The following SPATA3 variants were observed in gnomAD, a reference collection of about 807,000 sequenced individuals.
The protein encoded by SPATA3 is spermatogenesis associated 3.
SPATA3 carries 6 observed loss-of-function variants against 5.7 expected under a neutral mutation model. That is an observed-to-expected ratio of 1.06 (90% CI 0.58 to 2.09). The LOEUF (loss-of-function observed/expected upper bound fraction) is 2.09, where lower values mean the gene tolerates loss of function less well. Among genes scored for constraint, SPATA3 ranks in the 30% most tolerant of loss-of-function variants. The pLI is 0.00. For synonymous variants in SPATA3, 44 were observed against 48.4 expected (o/e 0.91, Z 0.37); for missense variants, 155 against 130.4 (o/e 1.19, Z -0.92).
chr2:231,004,793 G>T (rs1351597584), downstream of SPATA3, among the ~76,000 whole-genome samples: 2 of 152,102 alleles, frequency 1.3e-5, no homozygotes, highest in Middle Eastern at 3.4e-3. Context: ...TTTTCTTTTC[G>T]TTAAATGGAG....
At chr2:231,012,968 A>G (rs564657598) in intron 5 of SPATA3, among the ~76,000 whole-genome samples, 1 of 152,192 alleles carries the variant, frequency 6.6e-6, no homozygotes, top group African/African-American at 2.4e-5. Context: ...CCTCCTGCGC[A>G]CTTGGACTTG....
intron 1 of SPATA3, among the ~76,000 whole-genome samples, chr2:230,999,208 A>T (rs1692251926): frequency 6.6e-6 from 1 of 152,170 alleles, no homozygotes; most frequent in Non-Finnish European, 1.5e-5. Flanking sequence ...AGAATAGGCA[A>T]ATGTATTGCC....
downstream of SPATA3, among the ~76,000 whole-genome samples, chr2:231,009,450 G>A (rs938933677): frequency 5.9e-5 from 9 of 152,274 alleles, no homozygotes; most frequent in Middle Eastern, 6.8e-3. Context: ...TCACAGTGAC[G>A]GGGGGATGCT....
chr2:231,005,904 C>T (rs568158010), downstream of SPATA3, among the ~76,000 whole-genome samples: 4 of 150,646 alleles, frequency 2.7e-5, no homozygotes, highest in African/African-American at 7.3e-5. Flanking sequence ...TGGCTCAAAC[C>T]TGTAATCCTA....
chr2:231,011,117 T>C (rs1692776908), downstream of SPATA3, among the ~76,000 whole-genome samples: 1 of 141,890 alleles, frequency 7.0e-6, no homozygotes, highest in East Asian at 2.1e-4. Context: ...CATCAATCAA[T>C]TGGTTATTAT....
At chr2:231,006,013 A>AG (rs1692610825), downstream of SPATA3, among the ~76,000 whole-genome samples, 4 of 151,276 alleles carry the variant, frequency 2.6e-5, no homozygotes, top group African/African-American at 7.3e-5. Context: ...AAAAAAAAAA[A>AG]AAGAGAAAGA....
At chr2:231,019,264 A>C (rs140728998) in intron 6 of SPATA3, among the ~76,000 whole-genome samples, 3,575 of 137,436 alleles carry the variant, frequency 0.026, 145 homozygotes, top group East Asian at 0.23. Flanking sequence ...CCACCGTGCC[A>C]GGCCTCGATT....
At chr2:231,018,496 T>C (rs572651552) in intron 6 of SPATA3, among the ~76,000 whole-genome samples, 10 of 152,046 alleles carry the variant, frequency 6.6e-5, no homozygotes, top group African/African-American at 2.4e-4. Flanking sequence ...AGTCTCATAG[T>C]TTGTGTGGTC....
chr2:231,009,454 G>C (rs979050602), downstream of SPATA3, among the ~76,000 whole-genome samples: 1 of 152,180 alleles, frequency 6.6e-6, no homozygotes, highest in Non-Finnish European at 1.5e-5. Context: ...AGTGACGGGG[G>C]GATGCTGTGG....
downstream of SPATA3, among the ~76,000 whole-genome samples, chr2:231,009,380 C>G (rs1458255180): frequency 6.6e-6 from 1 of 152,202 alleles, no homozygotes; most frequent in Admixed American, 6.5e-5. Flanking sequence ...TTGGATCCCC[C>G]GGGCAGTGGT....
intron 1 of SPATA3, chr2:230,996,431 G>A: frequency 6.4e-7 from 1 of 1,552,318 alleles, no homozygotes; most frequent in Non-Finnish European, 8.7e-7. Context: ...CCTCCCGGCA[G>A]CCAGCATTCC....
chr2:231,003,961 A>T (rs978927523), downstream of SPATA3: 5 of 152,180 alleles, frequency 3.3e-5, no homozygotes, highest in African/African-American at 1.2e-4. Context: ...TGCCATGTCC[A>T]CACTTAGCAA....
intron 6 of SPATA3, among the ~76,000 whole-genome samples, chr2:231,016,808 T>C (rs1389879397): frequency 1.3e-5 from 2 of 152,166 alleles, no homozygotes; most frequent in East Asian, 3.9e-4. Flanking sequence ...GGGTGCCCTC[T>C]CCTCTCTCCT....
At chr2:231,006,174 G>GCAACA (rs1400184559), downstream of SPATA3, among the ~76,000 whole-genome samples, 7 of 127,658 alleles carry the variant, frequency 5.5e-5, no homozygotes, top group African/African-American at 1.2e-4. Context: ...CAGCCTGGGT[G>GCAACA]ACAGAACTCA....
At chr2:231,007,607 G>A (rs190089917), downstream of SPATA3, among the ~76,000 whole-genome samples, 8 of 152,342 alleles carry the variant, frequency 5.3e-5, no homozygotes, top group East Asian at 1.2e-3. Context: ...GTGCCGGTTC[G>A]CCTCCAGGCC....
intron 6 of SPATA3, among the ~76,000 whole-genome samples, chr2:231,015,422 A>C: frequency 6.6e-6 from 1 of 151,960 alleles, no homozygotes; most frequent in African/African-American, 2.4e-5. Context: ...GAATTAGGGG[A>C]GGTGTGGGTG....
chr2:231,002,810 A>C, downstream of SPATA3: 1 of 1,420,054 alleles, frequency 7.0e-7, no homozygotes, highest in Non-Finnish European at 9.3e-7. Context: ...ACAAGCCCCT[A>C]GGCCCACAGT....
In SPATA3 at chr2:231,000,554, G is replaced by T. The variant is rs2271375; in HGVS notation, c.962+17G>T. ...CTTCTACAGGTTCCAAGCGCGAGGG[G>T]CTGGAGCCTCGGGGCACACAGTCCC... On this transcript the variant is annotated intron_variant, in intron 2 of 2. Transcript: ENST00000645363. 577,496 of 1,489,094 alleles carry T rather than the reference G, an allele frequency of 0.39. 113,592 individuals carry two copies. The highest frequency in any genetic ancestry group is 0.46 in the South Asian group (35,072 of 76,768). The allele number at this position is 1,489,094 out of a possible 1,614,324, so 92.2% of individuals were successfully genotyped here. A position where few individuals can be genotyped will look rare whatever the true frequency, so the allele number is the denominator to read the frequency against.
At chr2:231,004,299 G>A (rs931101076), downstream of SPATA3, among the ~76,000 whole-genome samples, 4 of 152,172 alleles carry the variant, frequency 2.6e-5, 1 homozygote, top group African/African-American at 7.2e-5. Context: ...TTCCTCTTGA[G>A]CCTGTTGGGA....
Sources: allele counts gnomAD v4.1 joint callset (sites outside exome capture counted in the v4.1 genomes callset), GRCh38; gene constraint gnomAD v4.1.1; transcripts MANE v1.5; gene names NCBI Gene and HGNC (gene_info 2026-07-23, HGNC 2026-07-21).